The following SGSH variants were observed in gnomAD, a reference collection of about 807,000 sequenced individuals.
The protein encoded by SGSH is heparan sulfate sulfatase.
SGSH carries 48 observed loss-of-function variants against 51.0 expected under a neutral mutation model. The ratio of observed to expected loss-of-function variants is 0.94; its 90% confidence interval spans 0.75 to 1.20. SGSH has a LOEUF of 1.20. Ranked by LOEUF, SGSH falls within the 50% of genes most tolerant of loss-of-function variation. The pLI is 0.00. For synonymous variants in SGSH, 321 were observed against 313.4 expected, an observed-to-expected ratio of 1.02 and a Z score of -0.26; for missense variants, 662 against 717.8, an observed-to-expected ratio of 0.92 and a Z score of 0.89.
At chr17:80,205,915 T>C, downstream of SGSH, 2 of 360,494 alleles carry the variant, frequency 5.5e-6, no homozygotes, top group Non-Finnish European at 1.0e-5. Context: ...TGTTCGAGAA[T>C]GAATAAATCC....
intron 2 of SGSH, among the ~76,000 whole-genome samples, chr17:80,215,602 C>T (rs1473636300): frequency 6.6e-6 from 1 of 152,120 alleles, no homozygotes; most frequent in Non-Finnish European, 1.5e-5. Context: ...AGGTGGATCA[C>T]GAGGTCAGGA....
chr17:80,204,203 A>T (rs1247562208), downstream of SGSH: 1 of 1,564,974 alleles, frequency 6.4e-7, no homozygotes, highest in South Asian at 1.2e-5. Context: ...GCTCCTCCTC[A>T]TCCTTTCTCT....
At chr17:80,205,484 C>A, downstream of SGSH, 1 of 1,564,194 alleles carries the variant, frequency 6.4e-7, no homozygotes, top group East Asian at 2.4e-5. Flanking sequence ...CTCCCCCAGA[C>A]CCCCACACAG....
At chr17:80,215,695 T>C (rs924945796) in intron 2 of SGSH, among the ~76,000 whole-genome samples, 1 of 152,114 alleles carries the variant, frequency 6.6e-6, no homozygotes, top group African/African-American at 2.4e-5. Flanking sequence ...GGCGGGCGCC[T>C]GTAGTCCCAG....
At chr17:80,202,519 G>A (rs1233692100), downstream of SGSH, 8 of 1,513,370 alleles carry the variant, frequency 5.3e-6, no homozygotes, top group Middle Eastern at 4.6e-4. Context: ...GCAATAGAGG[G>A]TGGGCGTGGT....
Position 80,212,060 on chromosome 17 carries a change from CAA to C in SGSH, c.949+9_949+10del. ...CCACACCTTTCCTGACGGAGACAGA[CAA>C]AGGCATACCTAGGAGGCTCACGTAG... On this transcript the variant is annotated intron_variant, in intron 7 of 7. Transcript: ENST00000326317. The surrounding 1 kb of genome is among the most constrained non-coding windows in gnomAD (Gnocchi z 5.9). The C allele has an allele frequency of 6.2e-7, 1 of 1,612,088 alleles. No individual in the cohort carries two copies. The highest frequency in any genetic ancestry group is 1.1e-5 in the South Asian group (1 of 91,058).
downstream of SGSH, chr17:80,204,101 T>C (rs987622508): frequency 5.2e-6 from 5 of 964,852 alleles, no homozygotes; most frequent in African/African-American, 8.3e-5. Flanking sequence ...CCTCAGGCTG[T>C]TCTCAGAGCA....
At position 80,212,841 on chromosome 17, in the gene SGSH, G is replaced by A. The variant is rs1029357527; in HGVS notation, c.746-567C>T. 5.3e-6 allele frequency: 1 copy of A among 189,710 alleles called. No homozygotes were observed. Among genetic ancestry groups the A allele is most frequent in the African/African-American group, 2.4e-5 (1 of 42,434 alleles). 11.8% of individuals were successfully genotyped at this position (189,710 alleles called of 1,614,324 possible). A position where few individuals can be genotyped will look rare whatever the true frequency, so the allele number is the denominator to read the frequency against. On this transcript the variant is annotated intron_variant, in intron 6 of 7. Coordinates refer to ENST00000326317, the MANE Select transcript of SGSH (RefSeq NM_000199.5). This position sits in a 1 kb window ranked among gnomAD's most constrained non-coding sequence, Gnocchi z 5.9. Reference sequence around the variant, plus strand: ...GGAACTTCACGAATAAAGATCTTGGGACAAAATCATCCTGAAGTGCTCAGG... The same window carrying A: ...GGAACTTCACGAATAAAGATCTTGGAACAAAATCATCCTGAAGTGCTCAGG...
chr17:80,214,199 G>A lies in SGSH; in HGVS notation c.636C>T (p.Pro212=), dbSNP rs771680187. The part of the protein sequence containing the change: ...SGMGRIPDWT[P]QAYDPLDVLV... ...GCACGTCCAGTGGGTCGTAGGCCTG[G>A]GGGGTCCAGTCTGGGATACGACCCA... The change falls in exon 5 of 8, where the codon CCC becomes CCT. Residue 212 remains proline (P), a synonymous_variant. Transcript: ENST00000326317. 179 of 1,611,684 alleles carry A rather than the reference G, an allele frequency of 1.1e-4. No individual in the cohort carries two copies. Among genetic ancestry groups the A allele is most frequent in the Non-Finnish European group, 1.5e-4 (173 of 1,179,624 alleles).
chr17:80,205,622 C>A, downstream of SGSH: 1 of 1,567,546 alleles, frequency 6.4e-7, no homozygotes, highest in Non-Finnish European at 8.7e-7. Flanking sequence ...GCTGGGTGAC[C>A]CGCCATGCTG....
downstream of SGSH, chr17:80,209,244 T>C: frequency 4.6e-6 from 4 of 873,916 alleles, no homozygotes; most frequent in Non-Finnish European, 5.5e-6. Context: ...ATCAGGAAGC[T>C]GTTCTAGAAT....
chr17:80,219,337 C>T (rs2042033974), intron 1 of SGSH, among the ~76,000 whole-genome samples: 1 of 152,184 alleles, frequency 6.6e-6, no homozygotes, highest in Non-Finnish European at 1.5e-5. Context: ...GGATTTTCAG[C>T]CCACAGAACT....
chr17:80,210,649 G>A lies in SGSH; in HGVS notation c.1312C>T (p.Leu438Phe), dbSNP rs752686885. Residue 438 changes from leucine (L) to phenylalanine (F), a missense_variant, in exon 8 of 8, where the codon CTC becomes TTC. Transcript: ENST00000326317. ...TGGGGGTCCCGGCTCCGGTCGTAGA[G>A]CTCCCAGCGCGCCCGGTAGTAGTAA... ...RHYYYRARWE[L>F]YDRSRDPHET... 9.3e-6 allele frequency: 15 copies of A among 1,613,914 alleles called. No homozygotes were observed. Among genetic ancestry groups the A allele is most frequent in the Non-Finnish European group, 8.5e-7 (1 of 1,180,052 alleles).
At chr17:80,211,362 A>G (rs2041658631) in intron 7 of SGSH, 5 of 394,654 alleles carry the variant, frequency 1.3e-5, no homozygotes, top group South Asian at 7.3e-5. Flanking sequence ...GTGGGCCCCA[A>G]GAGAGATGTG....
rs751165124 is a variant in SGSH at position 80,214,334 on chromosome 17, C to A, written c.507-6G>T. On this transcript the variant is annotated splice_polypyrimidine_tract_variant and splice_region_variant and intron_variant, in intron 4 of 7. Coordinates refer to ENST00000326317, the MANE Select transcript of SGSH (RefSeq NM_000199.5). Reference sequence around the variant, plus strand: ...CGACGTAGAGGAAGAAAGGCCTGCACGGGAGGAGGCTCATTGCCAAGGCTG... The same window carrying A: ...CGACGTAGAGGAAGAAAGGCCTGCAAGGGAGGAGGCTCATTGCCAAGGCTG... 1.2e-6 allele frequency: 2 copies of A among 1,610,698 alleles called. No homozygotes were observed. The highest frequency in any genetic ancestry group is 1.3e-5 in the African/African-American group (1 of 74,878).
In SGSH at chr17:80,214,620, A is replaced by G; in HGVS notation, c.501T>C (p.Asp167=). The part of the protein sequence containing the change: ...LLVRKFLQTQ[D]DRPFFLYVAF... ...GCAGGGGCCCCGACTCATACCGGTCATCCTGAGTCTGCAGGAATTTCCGGA... is the reference window on the plus strand; with the variant it reads ...GCAGGGGCCCCGACTCATACCGGTCGTCCTGAGTCTGCAGGAATTTCCGGA... Residue 167 remains aspartate (D), a synonymous_variant, in exon 4 of 8, where the codon GAT becomes GAC. Coordinates refer to ENST00000326317, the MANE Select transcript of SGSH (RefSeq NM_000199.5). 1 of 1,612,920 alleles carries G rather than the reference A, an allele frequency of 6.2e-7. No homozygotes were observed. The highest frequency in any genetic ancestry group is 8.5e-7 in the Non-Finnish European group (1 of 1,179,808).
chr17:80,212,363 C>T lies in SGSH; in HGVS notation c.746-89G>A, dbSNP rs1049963968. The T allele has an allele frequency of 9.4e-6, 11 of 1,168,400 alleles. No homozygotes were observed. The highest frequency in any genetic ancestry group is 9.2e-5 in the African/African-American group (6 of 65,354). 72.4% of individuals were successfully genotyped at this position (1,168,400 alleles called of 1,614,324 possible). ...GTGTAGACCCACCTGCTGCTGCATC[C>T]GGCCGCTGGGCTCCAGCGCTTTCCG... On this transcript the variant is annotated intron_variant, in intron 6 of 7. Coordinates refer to ENST00000326317, the MANE Select transcript of SGSH (RefSeq NM_000199.5). The surrounding 1 kb of genome is among the most constrained non-coding windows in gnomAD (Gnocchi z 5.9).
In SGSH at chr17:80,210,653, C is replaced by T. The variant is rs1555620141; in HGVS notation, c.1308G>A (p.Trp436Ter). 4 of 1,614,018 alleles carry T rather than the reference C, an allele frequency of 2.5e-6. No homozygotes were observed. The highest frequency in any genetic ancestry group is 3.4e-6 in the Non-Finnish European group (4 of 1,180,044). ...DLRHYYYRAR[W>*]ELYDRSRDPH... ...GGTCCCGGCTCCGGTCGTAGAGCTC[C>T]CAGCGCGCCCGGTAGTAGTAATGAC... The change falls in exon 8 of 8, where the codon TGG (tryptophan) becomes TGA (stop). Residue 436 changes from tryptophan (W) to a stop codon, truncating the protein, a stop_gained. Coordinates refer to ENST00000326317, the MANE Select transcript of SGSH (RefSeq NM_000199.5). LOFTEE classifies it high-confidence loss of function.
chr17:80,207,105 T>C (rs1567907372), downstream of SGSH: 1 of 1,583,008 alleles, frequency 6.3e-7, no homozygotes, highest in South Asian at 1.1e-5. Context: ...CGCTGGGGGC[T>C]GGGCAGGGGC....
Sources: allele counts gnomAD v4.1 joint callset (sites outside exome capture counted in the v4.1 genomes callset), GRCh38; gene constraint gnomAD v4.1.1; non-coding constraint Gnocchi (gnomAD v3.1); transcripts MANE v1.5; gene names NCBI Gene and HGNC (gene_info 2026-07-23, HGNC 2026-07-21).